The following KCNN2 variants were observed in gnomAD, a reference collection of about 807,000 sequenced individuals.
KCNN2 encodes small conductance calcium-activated potassium channel protein 2.
Under a neutral mutation model 55.5 loss-of-function variants are expected in KCNN2, and 24 were observed. The observed-to-expected ratio is 0.43, with a 90% CI of 0.31 to 0.61. The LOEUF (loss-of-function observed/expected upper bound fraction) is 0.61, where lower values mean the gene tolerates loss of function less well. KCNN2 is among the 20% of genes least tolerant of loss of function. The pLI is 0.08. For missense variants in KCNN2, 754 were observed against 853.6 expected (o/e 0.88, Z 1.45); for synonymous variants, 431 against 336.1 (o/e 1.28, Z -3.09).
chr5:114,362,781 C>A lies in KCNN2; in HGVS notation c.642C>A (p.Ser214Arg). 6.3e-7 allele frequency: 1 copy of A among 1,588,328 alleles called. No individual in the cohort carries two copies. Among genetic ancestry groups the A allele is most frequent in the South Asian group, 1.1e-5 (1 of 88,988 alleles). Residue 214 changes from serine (S) to arginine (R), a missense_variant, in exon 1 of 8, where the codon AGC becomes AGA. Coordinates refer to ENST00000673685, the MANE Select transcript of KCNN2 (RefSeq NM_021614.4). ...ACCCCTTCACCGAAATAGCCATGAG[C>A]AGCTGCAGGTACAACGGGGGCGTCA... ...ESNPFTEIAMSSCRYNGGVMR... is the reference protein window; with the variant it reads ...ESNPFTEIAMRSCRYNGGVMR...
chr5:114,410,982 C>G (rs1759112804), intron 3 of KCNN2, among the ~76,000 whole-genome samples: 1 of 152,004 alleles, frequency 6.6e-6, no homozygotes, highest in Non-Finnish European at 1.5e-5. Flanking sequence ...TTTTGAATAC[C>G]TTTGGATAAT....
chr5:114,392,809 T>G (rs1283657427), intron 2 of KCNN2, among the ~76,000 whole-genome samples: 21 of 100,842 alleles, frequency 2.1e-4, no homozygotes, highest in East Asian at 4.9e-4. Context: ...TTGTGGGGTT[T>G]TTTTTTTTTT....
intron 2 of KCNN2, among the ~76,000 whole-genome samples, chr5:114,293,675 A>T (rs1488333583): frequency 2.0e-5 from 3 of 152,134 alleles, no homozygotes; most frequent in Non-Finnish European, 4.4e-5. Context: ...TGTCTCTGCG[A>T]GGCTTTGGTA....
intron 2 of KCNN2, among the ~76,000 whole-genome samples, chr5:114,233,994 A>T (rs1356419531): frequency 2.0e-5 from 3 of 149,502 alleles, no homozygotes; most frequent in Non-Finnish European, 4.4e-5. Flanking sequence ...TTCTTGCTGT[A>T]GCCTTCAACA....
At chr5:114,200,860 G>A (rs952683175) in intron 1 of KCNN2, among the ~76,000 whole-genome samples, 3 of 152,062 alleles carry the variant, frequency 2.0e-5, no homozygotes, top group Non-Finnish European at 4.4e-5. Context: ...AATTCAGCTG[G>A]GGACTTCGAT....
At chr5:114,291,944 A>T (rs1755898265) in intron 2 of KCNN2, among the ~76,000 whole-genome samples, 2 of 152,166 alleles carry the variant, frequency 1.3e-5, no homozygotes, top group South Asian at 4.1e-4. Flanking sequence ...ATGGCCAGTG[A>T]TGATGAGCAT....
At chr5:114,288,608 C>T (rs1755811745) in intron 2 of KCNN2, among the ~76,000 whole-genome samples, 1 of 151,880 alleles carries the variant, frequency 6.6e-6, no homozygotes, top group Admixed American at 6.6e-5. Context: ...ATTTGCATTT[C>T]TCTAGTGACT....
chr5:114,147,126 C>G (rs1162623199), intron 1 of KCNN2, among the ~76,000 whole-genome samples: 1 of 152,112 alleles, frequency 6.6e-6, no homozygotes, highest in Non-Finnish European at 1.5e-5. Context: ...ATCTTTTGGT[C>G]TTACGTACAC....
At chr5:114,074,936 C>T (rs1311132030) in intron 1 of KCNN2, among the ~76,000 whole-genome samples, 2 of 152,170 alleles carry the variant, frequency 1.3e-5, no homozygotes. Flanking sequence ...TCTGGAACTG[C>T]ATTTCTTGTA....
At chr5:114,221,382 A>G (rs1754134716) in intron 1 of KCNN2, among the ~76,000 whole-genome samples, 1 of 152,244 alleles carries the variant, frequency 6.6e-6, no homozygotes, top group South Asian at 2.1e-4. Context: ...AATGCCAAGG[A>G]AAAAACTCAA....
At chr5:114,264,085 T>G (rs1167548479) in intron 2 of KCNN2, among the ~76,000 whole-genome samples, 2 of 152,202 alleles carry the variant, frequency 1.3e-5, no homozygotes, top group Non-Finnish European at 2.9e-5. Context: ...AATTAGGTGA[T>G]TATTTTAAGC....
In KCNN2 at chr5:114,059,541, T is replaced by C. The variant is rs140961584; in HGVS notation, c.-271+3041T>C. On this transcript the variant is annotated intron_variant, in intron 1 of 10. Transcript: ENST00000512097. ...CTAGCAAAGTATAAGGAATAATAGG[T>C]TATCAGTAAATATTTGTTGAATAGA... Among the ~76,000 whole-genome samples the C allele has an allele frequency of 2.7e-4, 41 of 152,296 alleles. No homozygotes were observed. In the East Asian group the frequency reaches 7.9e-3, roughly 29 times the overall value.
intron 1 of KCNN2, among the ~76,000 whole-genome samples, chr5:114,159,273 A>G (rs961487513): frequency 2.0e-5 from 3 of 151,912 alleles, no homozygotes; most frequent in Non-Finnish European, 4.4e-5. Context: ...TGTGGTTTTT[A>G]CCTTTGGTTC....
intron 1 of KCNN2, among the ~76,000 whole-genome samples, chr5:114,101,759 T>C (rs1279031768): frequency 2.0e-5 from 3 of 152,178 alleles, no homozygotes; most frequent in Non-Finnish European, 2.9e-5. Flanking sequence ...GAAGAAAACA[T>C]GAACTCATCC....
At chr5:114,302,131 G>A in intron 2 of KCNN2, among the ~76,000 whole-genome samples, 1 of 152,198 alleles carries the variant, frequency 6.6e-6, no homozygotes. Context: ...CTGATCAAAA[G>A]TACTCTTAGC....
intron 1 of KCNN2, among the ~76,000 whole-genome samples, chr5:114,120,286 TG>T (rs1187406720): frequency 1.3e-5 from 2 of 152,310 alleles, no homozygotes; most frequent in East Asian, 3.9e-4. Context: ...GCAGTAGTCC[TG>T]GTTGTCTCCT....
chr5:114,439,787 A>T (rs757479345), intron 3 of KCNN2, among the ~76,000 whole-genome samples: 10 of 152,208 alleles, frequency 6.6e-5, no homozygotes, highest in Non-Finnish European at 1.0e-4. Flanking sequence ...CAACAAACAA[A>T]AAAACACCCT....
intron 1 of KCNN2, among the ~76,000 whole-genome samples, chr5:114,184,051 A>C (rs184643578): frequency 4.6e-5 from 7 of 152,280 alleles, no homozygotes; most frequent in African/African-American, 1.7e-4. Context: ...CTTTTAGTCC[A>C]GTGTTCTTTG....
At chr5:114,493,351 A>C in intron 6 of KCNN2, 52 bp from the exon 7 acceptor site, 1 of 1,100,670 alleles carries the variant, frequency 9.1e-7, no homozygotes, top group South Asian at 1.2e-5. Flanking sequence ...GGAAGGCATA[A>C]GATTGCCATA....
Sources: allele counts gnomAD v4.1 joint callset (sites outside exome capture counted in the v4.1 genomes callset), GRCh38; gene constraint gnomAD v4.1.1; transcripts MANE v1.5; gene names NCBI Gene and HGNC (gene_info 2026-07-23, HGNC 2026-07-21).